The following PDE10A variants were observed in gnomAD, a reference collection of about 807,000 sequenced individuals.
The protein encoded by PDE10A is phosphodiesterase 10A.
In PDE10A, 39 loss-of-function variants were observed where a neutral mutation model predicts 97.7. The ratio of observed to expected loss-of-function variants is 0.40; its 90% CI spans 0.31 to 0.52. The LOEUF is 0.52. Among genes scored for constraint, PDE10A ranks in the 20% least tolerant of loss-of-function variants. The pLI is 0.56. For synonymous variants in PDE10A, 371 were observed against 376.8 expected, an observed-to-expected ratio of 0.98 and a Z score of 0.18; for missense variants, 731 against 1,047.8, an observed-to-expected ratio of 0.70 and a Z score of 4.17.
intron 18 of PDE10A, among the ~76,000 whole-genome samples, chr6:165,377,512 C>T (rs1784681173): frequency 6.6e-6 from 1 of 152,132 alleles, no homozygotes; most frequent in Admixed American, 6.5e-5. Flanking sequence ...CACGTATGTA[C>T]ATGGGTACCA....
At chr6:165,959,752 C>T (rs1784302372) in intron 1 of PDE10A, among the ~76,000 whole-genome samples, 1 of 152,092 alleles carries the variant, frequency 6.6e-6, no homozygotes, top group South Asian at 2.1e-4. Flanking sequence ...GGCCCTCTCT[C>T]CCACTTTCCT....
chr6:165,400,167 G>C (rs748385842), intron 13 of PDE10A, among the ~76,000 whole-genome samples: 4 of 151,710 alleles, frequency 2.6e-5, no homozygotes, highest in African/African-American at 9.7e-5. Flanking sequence ...CCCTTACCTT[G>C]TACCATATAC....
At chr6:165,726,199 C>G (rs149070992) in intron 1 of PDE10A, among the ~76,000 whole-genome samples, 1 of 152,132 alleles carries the variant, frequency 6.6e-6, no homozygotes, top group South Asian at 2.1e-4. Flanking sequence ...CCCACCAGAA[C>G]GTTGTTTTGT....
chr6:165,384,305 G>C (rs1441962386), intron 17 of PDE10A, among the ~76,000 whole-genome samples: 2 of 152,060 alleles, frequency 1.3e-5, no homozygotes, highest in East Asian at 3.9e-4. Flanking sequence ...CCATTTACTA[G>C]AGACTCAAGG....
intron 1 of PDE10A, among the ~76,000 whole-genome samples, chr6:165,644,817 T>C (rs1789310321): frequency 1.3e-5 from 2 of 152,234 alleles, no homozygotes; most frequent in Admixed American, 1.3e-4. Context: ...ACTTGCCCAC[T>C]TCTGCCACTG....
chr6:165,441,453 GTAACATT>G (rs1379982870), intron 5 of PDE10A, among the ~76,000 whole-genome samples: 3 of 152,180 alleles, frequency 2.0e-5, no homozygotes, highest in African/African-American at 7.2e-5. Context: ...CATTTATGGT[GTAACATT>G]TAACTAATGG....
chr6:165,978,238 C>G (rs528312424), intron 1 of PDE10A, among the ~76,000 whole-genome samples: 1 of 152,014 alleles, frequency 6.6e-6, no homozygotes, highest in South Asian at 2.1e-4. Context: ...ATCATCACAC[C>G]TCAATGAAAA....
At chr6:165,875,746 T>TTTTTTTTTTG (rs780504850) in intron 1 of PDE10A, among the ~76,000 whole-genome samples, 12 of 147,072 alleles carry the variant, frequency 8.2e-5, no homozygotes, top group South Asian at 6.3e-4. Flanking sequence ...TTTTTTTTTT[T>TTTTTTTTTTG]TGTGTGTGTG....
At chr6:165,630,853 G>A (rs1241555956) in intron 1 of PDE10A, among the ~76,000 whole-genome samples, 1 of 152,166 alleles carries the variant, frequency 6.6e-6, no homozygotes, top group Admixed American at 6.5e-5. Context: ...AGGAAACATA[G>A]AGAATAAAGG....
At chr6:165,442,190 C>T (rs938115894) in intron 5 of PDE10A, among the ~76,000 whole-genome samples, 13 of 152,038 alleles carry the variant, frequency 8.6e-5, no homozygotes, top group East Asian at 1.9e-4. Flanking sequence ...ATGTGCACAA[C>T]GTGCAGGTTA....
intron 1 of PDE10A, among the ~76,000 whole-genome samples, chr6:165,804,771 G>A (rs1458854205): frequency 1.3e-5 from 2 of 151,994 alleles, no homozygotes; most frequent in East Asian, 3.9e-4. Flanking sequence ...GAGCGGCGGC[G>A]GGGGACTGGG....
chr6:165,534,530 C>T (rs889994039), intron 2 of PDE10A, among the ~76,000 whole-genome samples: 12 of 151,870 alleles, frequency 7.9e-5, no homozygotes, highest in Non-Finnish European at 1.8e-4. Context: ...CACTAATGAA[C>T]ATGATGAAAA....
intron 18 of PDE10A, among the ~76,000 whole-genome samples, chr6:165,368,212 C>T (rs1229892330): frequency 3.3e-5 from 5 of 152,252 alleles, no homozygotes; most frequent in Non-Finnish European, 4.4e-5. Context: ...GCTAGGCTGG[C>T]CTTGAACTCC....
chr6:165,927,711 T>C (rs929676089), intron 1 of PDE10A, among the ~76,000 whole-genome samples: 4 of 146,666 alleles, frequency 2.7e-5, no homozygotes, highest in African/African-American at 1.0e-4. Flanking sequence ...TGTTTGTGTT[T>C]GAGACAGAGG....
intron 3 of PDE10A, among the ~76,000 whole-genome samples, chr6:165,474,848 A>T (rs996022914): frequency 1.3e-5 from 2 of 152,198 alleles, no homozygotes; most frequent in Admixed American, 1.3e-4. Flanking sequence ...ATAAGGAAAA[A>T]TTTTAAATAA....
upstream of PDE10A, among the ~76,000 whole-genome samples, chr6:165,667,031 TTACA>T (rs1438932818): frequency 6.6e-6 from 1 of 152,190 alleles, no homozygotes; most frequent in African/African-American, 2.4e-5. Flanking sequence ...GGATAGCTTC[TTACA>T]GTGTTGTTAT....
At chr6:165,619,479 C>CTAGTGTAGTCTAGTGTAGTG (rs1787983354) in intron 1 of PDE10A, among the ~76,000 whole-genome samples, 1 of 18,150 alleles carries the variant, frequency 5.5e-5, no homozygotes, top group Admixed American at 4.9e-4. Flanking sequence ...GTAGTGTAGT[C>CTAGTGTAGTCTAGTGTAGTG]TAGTGTAGTC....
chr6:165,892,584 G>C (rs910697239), intron 1 of PDE10A, among the ~76,000 whole-genome samples: 4 of 152,134 alleles, frequency 2.6e-5, no homozygotes, highest in Non-Finnish European at 5.9e-5. Flanking sequence ...TTGGACTTCC[G>C]GCTGTGTTGT....
At chr6:165,723,715 G>A (rs1792221143) in intron 1 of PDE10A, among the ~76,000 whole-genome samples, 1 of 152,200 alleles carries the variant, frequency 6.6e-6, no homozygotes, top group South Asian at 2.1e-4. Context: ...GGTAGGACGT[G>A]AATTTTAACT....
Sources: gnomAD v4.1 joint callset for allele counts (sites outside exome capture counted in the v4.1 genomes callset) on GRCh38, gnomAD v4.1.1 for gene constraint, MANE v1.5 for transcripts, NCBI Gene and HGNC (gene_info 2026-07-23, HGNC 2026-07-21) for gene names.